MTG1: variants seen among roughly 807,000 people sequenced by gnomAD.
The protein encoded by MTG1 is mitochondrial ribosome-associated GTPase 1.
MTG1 carries 30 observed loss-of-function variants against 39.5 expected under a neutral mutation model. The observed-to-expected ratio is 0.76, with a 90% CI of 0.57 to 1.03. MTG1 has a LOEUF of 1.03. Among genes scored for constraint, MTG1 ranks in the 50% least tolerant of loss-of-function variants. MTG1 has a pLI of 0.00. For missense variants in MTG1, 513 were observed against 447.4 expected (o/e 1.15, Z -1.32); for synonymous variants, 217 against 179.0 (o/e 1.21, Z -1.69).
At chr10:133,415,186 GGA>G (rs1850105255) in intron 9 of MTG1, among the ~76,000 whole-genome samples, 1 of 152,014 alleles carries the variant, frequency 6.6e-6, no homozygotes, top group African/African-American at 2.4e-5. Context: ...CCGTGGAGAG[GGA>G]GAGGGAGCGG....
At chr10:133,415,208 G>A (rs1033340510) in intron 9 of MTG1, among the ~76,000 whole-genome samples, 9 of 151,910 alleles carry the variant, frequency 5.9e-5, no homozygotes, top group East Asian at 3.9e-4. Context: ...GAGCGGGAGC[G>A]GGAGAGGGAG....
chr10:133,419,429 G>T, intron 9 of MTG1, 51 bp from the exon 10 acceptor site: 1 of 1,491,842 alleles, frequency 6.7e-7, no homozygotes, highest in East Asian at 2.5e-5. Context: ...CTGGCTGGCC[G>T]CGCGGTGTCA....
chr10:133,411,177 T>G (rs75497075), intron 9 of MTG1, among the ~76,000 whole-genome samples: 12,042 of 152,194 alleles, frequency 0.079, 526 homozygotes, highest in Middle Eastern at 0.12. Context: ...CTTTACTCTT[T>G]CATGTTTGAA....
intron 9 of MTG1, among the ~76,000 whole-genome samples, chr10:133,406,962 T>A (rs1349114527): frequency 1.3e-5 from 2 of 152,188 alleles, no homozygotes; most frequent in Admixed American, 6.5e-5. Flanking sequence ...CTTTAATCCC[T>A]TTTGATTTGG....
intron 9 of MTG1, among the ~76,000 whole-genome samples, chr10:133,406,071 A>C (rs1849965799): frequency 6.6e-6 from 1 of 152,162 alleles, no homozygotes; most frequent in South Asian, 2.1e-4. Flanking sequence ...TTTGATTTGC[A>C]TTTCTCTGGT....
chr10:133,400,261 G>A (rs1241432239), intron 6 of MTG1, among the ~76,000 whole-genome samples: 4 of 152,182 alleles, frequency 2.6e-5, no homozygotes, highest in Admixed American at 1.3e-4. Flanking sequence ...TGAAGTAGAC[G>A]GGGCTGGATT....
rs1047585146 is a variant in MTG1 at position 133,420,826 on chromosome 10, G to C, written c.*661G>C. The C allele has an allele frequency of 1.3e-5, 2 of 152,384 alleles. No homozygotes were observed. Among genetic ancestry groups the C allele is most frequent in the African/African-American group, 4.8e-5 (2 of 41,472 alleles). The allele number at this position is 152,384 out of a possible 1,614,324, so 9.4% of individuals were successfully genotyped here. The stretch of plus-strand genomic sequence containing the variant: ...CCTGCACATGGCTTTGCTGTGCAAT[G>C]ACTGGAAGGCCGCCCGGCATGGGCA... On this transcript the variant is annotated 3_prime_UTR_variant, in exon 11 of 11. Coordinates refer to ENST00000317502, the MANE Select transcript of MTG1 (RefSeq NM_138384.4).
At chr10:133,398,897 C>T (rs984266704) in intron 4 of MTG1, among the ~76,000 whole-genome samples, 1 of 152,128 alleles carries the variant, frequency 6.6e-6, no homozygotes, top group Non-Finnish European at 1.5e-5. Context: ...AGGTGGTCCC[C>T]GGCCCCAGAG....
intron 4 of MTG1, among the ~76,000 whole-genome samples, chr10:133,398,836 A>C: frequency 6.6e-6 from 1 of 152,138 alleles, no homozygotes; most frequent in East Asian, 1.9e-4. Context: ...TACAGCTGTC[A>C]CTGAAGCCCC....
intron 3 of MTG1, among the ~76,000 whole-genome samples, 165 bp downstream of exon 3, chr10:133,396,432 A>G (rs1323628385): frequency 1.3e-5 from 2 of 152,300 alleles, no homozygotes; most frequent in East Asian, 3.9e-4. Flanking sequence ...ATCGTTTCTC[A>G]TATGGCGTGC....
Position 133,402,630 on chromosome 10 carries a change from G to C in MTG1, c.671-62G>C. ...GGCTAGGACTGGAAGGGATGTGTTT[G>C]AACTTGGCAGGAACATAGATGTGGC... On this transcript the variant is annotated intron_variant, in intron 8 of 10. Coordinates refer to ENST00000317502, the MANE Select transcript of MTG1 (RefSeq NM_138384.4). The surrounding 1 kb of genome is among the most constrained non-coding windows in gnomAD (Gnocchi z 4.7). 1 of 1,455,236 alleles carries C rather than the reference G, an allele frequency of 6.9e-7. No homozygotes were observed. Among genetic ancestry groups the C allele is most frequent in the East Asian group, 2.4e-5 (1 of 41,226 alleles). 90.1% of individuals were successfully genotyped at this position (1,455,236 alleles called of 1,614,324 possible).
intron 9 of MTG1, among the ~76,000 whole-genome samples, chr10:133,404,452 G>A (rs2265908): frequency 0.54 from 80,886 of 151,112 alleles, 24,031 homozygotes; most frequent in Non-Finnish European, 0.67. Flanking sequence ...ATATATTCTG[G>A]ATACAAGTCC....
intron 9 of MTG1, among the ~76,000 whole-genome samples, chr10:133,410,570 T>G (rs1424742703): frequency 1.3e-5 from 2 of 152,228 alleles, no homozygotes; most frequent in Non-Finnish European, 2.9e-5. Flanking sequence ...ATATGTAGTG[T>G]ACCATCAGGC....
intron 9 of MTG1, among the ~76,000 whole-genome samples, chr10:133,415,196 CGGAGCGGGAGCGGGAGAG>C (rs1554892506): frequency 2.0e-5 from 3 of 150,734 alleles, no homozygotes; most frequent in Admixed American, 6.6e-5. Context: ...GGAGAGGGAG[CGGAGCGGGAGCGGGAGAG>C]GGAGCGGGAG....
At chr10:133,407,787 C>T (rs1849989507) in intron 9 of MTG1, among the ~76,000 whole-genome samples, 1 of 152,126 alleles carries the variant, frequency 6.6e-6, no homozygotes, top group South Asian at 2.1e-4. Context: ...TCAGGCTGGT[C>T]TCGAACTCTT....
chr10:133,418,642 C>T (rs572966848), intron 9 of MTG1, among the ~76,000 whole-genome samples: 3 of 152,118 alleles, frequency 2.0e-5, no homozygotes, highest in African/African-American at 7.2e-5. Context: ...TTTGCTGGGC[C>T]TTGGGGTGAG....
chr10:133,415,332 T>C (rs1850109644), intron 9 of MTG1, among the ~76,000 whole-genome samples: 1 of 152,246 alleles, frequency 6.6e-6, no homozygotes, highest in African/African-American at 2.4e-5. Flanking sequence ...TCCTTTAACA[T>C]GTATTGTAAG....
intron 9 of MTG1, among the ~76,000 whole-genome samples, chr10:133,407,604 T>C (rs1229517268): frequency 6.6e-6 from 1 of 151,842 alleles, no homozygotes; most frequent in Non-Finnish European, 1.5e-5. Context: ...GTTTCGGTCT[T>C]GTTGCCCAGT....
chr10:133,419,335 G>A, intron 9 of MTG1, 145 bp from the exon 10 acceptor site: 1 of 610,686 alleles, frequency 1.6e-6, no homozygotes, highest in South Asian at 1.9e-5. Context: ...GTCTCATCTT[G>A]GTCATCCACA....
Sources: gnomAD v4.1 joint callset for allele counts (sites outside exome capture counted in the v4.1 genomes callset) on GRCh38, gnomAD v4.1.1 for gene constraint, Gnocchi (gnomAD v3.1) non-coding constraint, MANE v1.5 for transcripts, NCBI Gene and HGNC (gene_info 2026-07-23, HGNC 2026-07-21) for gene names.